The following AGBL4 variants were observed in gnomAD, a reference collection of about 807,000 sequenced individuals.
The protein encoded by AGBL4 is AGBL carboxypeptidase 4, also known as cytosolic carboxypeptidase 6.
AGBL4 carries 58 observed loss-of-function variants against 66.4 expected under a neutral mutation model. The observed-to-expected ratio is 0.87, with a 90% CI of 0.71 to 1.09. The LOEUF (loss-of-function observed/expected upper bound fraction) is 1.09. Ranked by LOEUF, AGBL4 falls within the 50% of genes least tolerant of loss-of-function variation. The pLI, the probability that AGBL4 is intolerant of heterozygous loss-of-function variation, is 0.00. For synonymous variants in AGBL4, 234 were observed against 222.9 expected, an observed-to-expected ratio of 1.05 and a Z score of -0.44; for missense variants, 579 against 631.0, an observed-to-expected ratio of 0.92 and a Z score of 0.88.
At chr1:49,963,196 T>C (rs928162420) in intron 1 of AGBL4, among the ~76,000 whole-genome samples, 10 of 152,050 alleles carry the variant, frequency 6.6e-5, no homozygotes, top group African/African-American at 2.2e-4. Flanking sequence ...ACAAAGAAAA[T>C]GTAAAATACA....
intron 6 of AGBL4, among the ~76,000 whole-genome samples, chr1:48,743,520 T>A (rs766035807): frequency 2.6e-5 from 4 of 152,190 alleles, no homozygotes; most frequent in Non-Finnish European, 5.9e-5. Flanking sequence ...AATGGGTAAA[T>A]AAGGCCAAAT....
chr1:48,942,407 G>A (rs982156439), intron 5 of AGBL4, among the ~76,000 whole-genome samples: 2 of 151,982 alleles, frequency 1.3e-5, no homozygotes, highest in Admixed American at 6.5e-5. Flanking sequence ...GTGACCCTGG[G>A]CCCATGACTT....
At chr1:48,813,492 A>G (rs1646104408) in intron 6 of AGBL4, among the ~76,000 whole-genome samples, 1 of 152,204 alleles carries the variant, frequency 6.6e-6, no homozygotes, top group Admixed American at 6.5e-5. Context: ...AGAAGAGAGA[A>G]GTGATTCCAG....
In AGBL4 at chr1:48,731,583, T is replaced by C. The variant is rs112133190; in HGVS notation, c.635-68342A>G. On this transcript the variant is annotated intron_variant, in intron 6 of 13. Coordinates refer to ENST00000371839, the MANE Select transcript of AGBL4 (RefSeq NM_032785.4). ...CTGAAGGAAGGCTCACCTAAGCAGA[T>C]CTGGGTGGTAAGCAGCAGTTAGCCA... Among the ~76,000 whole-genome samples, 909 of 152,200 alleles carry C rather than the reference T, an allele frequency of 6.0e-3. 13 individuals are homozygous for C. Among genetic ancestry groups the C allele is most frequent in the African/African-American group, 0.021 (868 of 41,522 alleles).
At chr1:49,576,728 T>C (rs1486516805) in intron 3 of AGBL4, among the ~76,000 whole-genome samples, 1 of 152,166 alleles carries the variant, frequency 6.6e-6, no homozygotes, top group South Asian at 2.1e-4. Context: ...GGAAGTGGCA[T>C]GGTGTTCACT....
chr1:48,615,194 G>T (rs1645298648), intron 9 of AGBL4, among the ~76,000 whole-genome samples: 1 of 152,182 alleles, frequency 6.6e-6, no homozygotes, highest in Non-Finnish European at 1.5e-5. Flanking sequence ...TAGGATAAAA[G>T]TAAAGGTTTT....
chr1:49,835,149 C>T (rs1645812664), intron 2 of AGBL4, among the ~76,000 whole-genome samples: 1 of 152,122 alleles, frequency 6.6e-6, no homozygotes, highest in Non-Finnish European at 1.5e-5. Context: ...GTCTGTTGAT[C>T]TGTCTAATAT....
intron 4 of AGBL4, among the ~76,000 whole-genome samples, chr1:49,089,132 T>C (rs1261735538): frequency 6.6e-6 from 1 of 151,644 alleles, no homozygotes; most frequent in Non-Finnish European, 1.5e-5. Flanking sequence ...TAGCACCAAA[T>C]GCCCACATCA....
At chr1:49,630,163 C>T (rs1263571951) in intron 3 of AGBL4, among the ~76,000 whole-genome samples, 2 of 152,084 alleles carry the variant, frequency 1.3e-5, no homozygotes, top group African/African-American at 2.4e-5. Flanking sequence ...TCTTTCACTA[C>T]CTCTCCTATC....
chr1:49,301,969 C>T (rs1289474182), intron 3 of AGBL4, among the ~76,000 whole-genome samples: 2 of 152,154 alleles, frequency 1.3e-5, no homozygotes, highest in Non-Finnish European at 2.9e-5. Flanking sequence ...CTCCCATCCT[C>T]CTTGCTCAGC....
At chr1:49,394,211 G>A (rs1055329773) in intron 3 of AGBL4, among the ~76,000 whole-genome samples, 1 of 151,972 alleles carries the variant, frequency 6.6e-6, no homozygotes, top group East Asian at 1.9e-4. Flanking sequence ...GTGGCAACAC[G>A]AAAGTATCAA....
intron 4 of AGBL4, among the ~76,000 whole-genome samples, chr1:49,070,769 C>T (rs1040373011): frequency 1.3e-5 from 2 of 152,006 alleles, no homozygotes; most frequent in African/African-American, 4.8e-5. Flanking sequence ...GGAGGATTCC[C>T]TCTTTTTCGG....
chr1:49,485,872 C>G (rs1470742960), intron 3 of AGBL4, among the ~76,000 whole-genome samples: 1 of 151,712 alleles, frequency 6.6e-6, no homozygotes, highest in Non-Finnish European at 1.5e-5. Flanking sequence ...TGGGTACAAA[C>G]TAATAGAAAA....
intron 6 of AGBL4, chr1:48,776,552 CG>C: frequency 7.7e-7 from 1 of 1,303,190 alleles, no homozygotes. Context: ...CGGCCCCTCC[CG>C]GGGTCCCAGC....
chr1:49,610,761 T>C (rs1349962437), intron 3 of AGBL4, among the ~76,000 whole-genome samples: 4 of 152,172 alleles, frequency 2.6e-5, no homozygotes, highest in East Asian at 1.9e-4. Flanking sequence ...TCCAGAACTG[T>C]GAGCGATAAA....
At chr1:49,008,247 C>T (rs1345003658) in intron 5 of AGBL4, among the ~76,000 whole-genome samples, 1 of 151,874 alleles carries the variant, frequency 6.6e-6, no homozygotes, top group African/African-American at 2.4e-5. Flanking sequence ...ATAAAACAGA[C>T]TTTAAACCAA....
intron 3 of AGBL4, chr1:49,268,986 T>G (rs186473959): frequency 6.6e-6 from 1 of 152,310 alleles, no homozygotes; most frequent in Admixed American, 6.5e-5. Flanking sequence ...TAAAACCTGG[T>G]AAAACGATGG....
intron 3 of AGBL4, among the ~76,000 whole-genome samples, chr1:49,595,930 A>G (rs563508652): frequency 3.9e-5 from 6 of 152,136 alleles, no homozygotes; most frequent in Non-Finnish European, 7.3e-5. Flanking sequence ...CCAATTTCCC[A>G]GATAGACAGC....
chr1:49,273,182 C>T (rs373645117), intron 3 of AGBL4, among the ~76,000 whole-genome samples: 8 of 152,044 alleles, frequency 5.3e-5, no homozygotes, highest in African/African-American at 1.7e-4. Context: ...ATCCACCAGA[C>T]GTTGTCTTTA....
Sources: allele counts gnomAD v4.1 joint callset (sites outside exome capture counted in the v4.1 genomes callset), GRCh38; gene constraint gnomAD v4.1.1; transcripts MANE v1.5; gene names NCBI Gene and HGNC (gene_info 2026-07-23, HGNC 2026-07-21).